The following PTPRK variants were observed in gnomAD, a reference collection of about 807,000 sequenced individuals.
PTPRK encodes protein tyrosine phosphatase receptor type K.
PTPRK carries 75 observed loss-of-function variants against 178.0 expected under a neutral mutation model. The observed-to-expected ratio is 0.42, with a 90% CI of 0.35 to 0.51. The LOEUF (loss-of-function observed/expected upper bound fraction) is 0.51. PTPRK is among the 20% of genes least tolerant of loss of function. PTPRK has a pLI of 0.02. For missense variants in PTPRK, 1,441 were observed against 1,797.8 expected (o/e 0.80, Z 3.59); for synonymous variants, 637 against 620.6 (o/e 1.03, Z -0.39).
At chr6:128,105,751 A>AT (rs1198294776) in intron 7 of PTPRK, among the ~76,000 whole-genome samples, 2 of 152,224 alleles carry the variant, frequency 1.3e-5, no homozygotes, top group African/African-American at 4.8e-5. Context: ...AGATGCTGCC[A>AT]TTTAATGCAC....
rs61756668 is a variant in PTPRK, at chr6:128,083,813, C to A, written c.1477G>T (p.Val493Leu). The A allele has an allele frequency of 5.7e-6, 9 of 1,578,608 alleles. No individual in the cohort carries two copies. Among genetic ancestry groups the A allele is most frequent in the Non-Finnish European group, 7.8e-6 (9 of 1,160,558 alleles). The change falls in exon 9 of 30, where the codon GTA becomes TTA. Residue 493 changes from valine to leucine, a missense_variant. Around this residue, in one of 4 missense-constraint regions of PTPRK, gnomAD observed 945 missense variants for 1,080.6 expected, o/e 0.87. Transcript: ENST00000368226. ...GTTCCTTGAAGAGATTTTACTGGTACGGGACCAGGCACTACAAAACACATG... is the reference window on the plus strand; with the variant it reads ...GTTCCTTGAAGAGATTTTACTGGTAAGGGACCAGGCACTACAAAACACATG... ...IQTDEDVPGP[V>L]PVKSLQGTSF...
At chr6:128,270,385 C>T (rs1819622010) in intron 3 of PTPRK, among the ~76,000 whole-genome samples, 1 of 152,000 alleles carries the variant, frequency 6.6e-6, no homozygotes, top group Non-Finnish European at 1.5e-5. Context: ...AAATAGAATT[C>T]CAAATGCTTC....
Position 127,969,582 on chromosome 6 carries a change from A to G in PTPRK, c.*645T>C, listed in dbSNP as rs1452767177. 6.6e-6 allele frequency: 1 copy of G among 152,192 alleles called. No homozygotes were observed. The highest frequency in any genetic ancestry group is 2.4e-5 in the African/African-American group (1 of 41,470). 9.4% of individuals were successfully genotyped at this position (152,192 alleles called of 1,614,324 possible). A position where few individuals can be genotyped will look rare whatever the true frequency, so the allele number is the denominator to read the frequency against. Reference sequence around the variant, plus strand: ...ATTGTGTGGTGGTAGTATTTTAGCCATCAAAAAAGGAATGTAAGTAACCAA... The same window carrying G: ...ATTGTGTGGTGGTAGTATTTTAGCCGTCAAAAAAGGAATGTAAGTAACCAA... On this transcript the variant is annotated 3_prime_UTR_variant, in exon 30 of 30. Coordinates refer to ENST00000368226, the MANE Select transcript of PTPRK (RefSeq NM_002844.4).
Position 128,050,660 on chromosome 6 carries a change from A to G in PTPRK, c.2194+14098T>C, listed in dbSNP as rs868382708. On this transcript the variant is annotated intron_variant, in intron 13 of 29. Coordinates refer to ENST00000368226, the MANE Select transcript of PTPRK (RefSeq NM_002844.4). ...TTCTCTTTATGTGCTGGCTGCCACCAGAGATACAAGGCAGGAAACAAACTA... is the reference window on the plus strand; with the variant it reads ...TTCTCTTTATGTGCTGGCTGCCACCGGAGATACAAGGCAGGAAACAAACTA... Among the ~76,000 whole-genome samples the G allele has an allele frequency of 1.8e-4, 27 of 152,352 alleles. 1 individual carries two copies. Among genetic ancestry groups the G allele is most frequent in the South Asian group, 1.4e-3 (7 of 4,828 alleles).
At chr6:128,496,981 C>A (rs1308522344) in intron 1 of PTPRK, among the ~76,000 whole-genome samples, 3 of 152,146 alleles carry the variant, frequency 2.0e-5, no homozygotes, top group African/African-American at 7.2e-5. Flanking sequence ...AGGTAACAAA[C>A]ATGAGTTTAC....
intron 16 of PTPRK, among the ~76,000 whole-genome samples, chr6:127,997,732 C>T (rs561123902): frequency 3.2e-4 from 49 of 152,168 alleles, no homozygotes; most frequent in Non-Finnish European, 5.9e-4. Context: ...GCAGAATAGT[C>T]TAATTCCTTG....
chr6:128,249,312 A>AAAC (rs1554372264), intron 3 of PTPRK, among the ~76,000 whole-genome samples: 5 of 150,250 alleles, frequency 3.3e-5, no homozygotes, highest in African/African-American at 1.3e-4. Flanking sequence ...AAAAAAAAAA[A>AAAC]ACAGTATTTT....
intron 2 of PTPRK, among the ~76,000 whole-genome samples, chr6:128,373,934 C>A (rs1485869727): frequency 5.9e-5 from 9 of 152,124 alleles, no homozygotes. Context: ...TTTCTTACTA[C>A]ATAAAACAAG....
rs1343377547 is a variant in PTPRK at position 128,205,683 on chromosome 6, G to A, written c.868+13239C>T. Among the ~76,000 whole-genome samples, 6 of 145,188 alleles carry A rather than the reference G, an allele frequency of 4.1e-5. No individual in the cohort carries two copies. In the East Asian group the frequency reaches 1.1e-3, roughly 27 times the overall value. On this transcript the variant is annotated intron_variant, in intron 6 of 29. Coordinates refer to ENST00000368226, the MANE Select transcript of PTPRK (RefSeq NM_002844.4). The stretch of plus-strand genomic sequence containing the variant: ...TTACTTGAGAGGTGGAGGCAGGAGA[G>A]TTGCTCGAACCTGGGAGGCAGAGGT...
intron 13 of PTPRK, among the ~76,000 whole-genome samples, chr6:128,018,189 A>G (rs963905693): frequency 2.6e-5 from 4 of 152,104 alleles, no homozygotes; most frequent in Admixed American, 6.6e-5. Context: ...TGATTTTTAC[A>G]TAGTTACCAA....
chr6:128,519,826 A>T lies in PTPRK; in HGVS notation c.100+433T>A, dbSNP rs1220870954. On this transcript the variant is annotated intron_variant, in intron 1 of 29. Coordinates refer to ENST00000368226, the MANE Select transcript of PTPRK (RefSeq NM_002844.4). This position sits in a 1 kb window ranked among gnomAD's most constrained non-coding sequence, Gnocchi z 4.3. Reference sequence around the variant, plus strand: ...GCACCTGGCAAAGCGCGCCGAGGTCAGTCCCTTCGAATCTCCACATTTCTG... The same window carrying T: ...GCACCTGGCAAAGCGCGCCGAGGTCTGTCCCTTCGAATCTCCACATTTCTG... Among the ~76,000 whole-genome samples, 1 of 152,230 alleles carries T rather than the reference A, an allele frequency of 6.6e-6. No homozygotes were observed.
intron 13 of PTPRK, among the ~76,000 whole-genome samples, chr6:128,025,480 A>T (rs1774151518): frequency 6.6e-6 from 1 of 152,252 alleles, no homozygotes; most frequent in Admixed American, 6.5e-5. Context: ...AATAAGATCA[A>T]ATGCTGACTT....
intron 1 of PTPRK, among the ~76,000 whole-genome samples, chr6:128,439,371 A>G (rs1030269679): frequency 6.6e-6 from 1 of 152,154 alleles, no homozygotes; most frequent in Non-Finnish European, 1.5e-5. Flanking sequence ...TCTGGCCAAT[A>G]TATTTTTTAA....
intron 1 of PTPRK, among the ~76,000 whole-genome samples, chr6:128,507,537 G>A (rs553356270): frequency 2.8e-4 from 43 of 152,222 alleles, no homozygotes; most frequent in Admixed American, 7.9e-4. Flanking sequence ...GATGGTCACA[G>A]CCCACCCTCA....
intron 1 of PTPRK, among the ~76,000 whole-genome samples, chr6:128,441,357 C>T (rs575056730): frequency 3.4e-4 from 51 of 151,758 alleles, no homozygotes; most frequent in Non-Finnish European, 4.3e-4. Flanking sequence ...AAACTTTAGG[C>T]AGTTGTGGGG....
chr6:128,073,875 C>T (rs1783280946), intron 11 of PTPRK, among the ~76,000 whole-genome samples: 1 of 151,960 alleles, frequency 6.6e-6, no homozygotes, highest in Non-Finnish European at 1.5e-5. Flanking sequence ...AGTTAAATTT[C>T]AAGATGGTTT....
chr6:128,426,048 A>G (rs981133519), intron 1 of PTPRK, among the ~76,000 whole-genome samples: 1 of 152,228 alleles, frequency 6.6e-6, no homozygotes, highest in Non-Finnish European at 1.5e-5. Flanking sequence ...TTCCAAAACT[A>G]ATTTCACCAT....
intron 3 of PTPRK, among the ~76,000 whole-genome samples, chr6:128,314,257 A>T (rs543337403): frequency 6.6e-6 from 1 of 152,204 alleles, no homozygotes; most frequent in East Asian, 1.9e-4. Context: ...TCATTTATTT[A>T]TCTGGATTTT....
chr6:128,162,599 A>T (rs908600473), intron 7 of PTPRK, among the ~76,000 whole-genome samples: 1 of 151,782 alleles, frequency 6.6e-6, no homozygotes, highest in Non-Finnish European at 1.5e-5. Flanking sequence ...CAACTTAAGA[A>T]TGAGTCACAT....
Sources: gnomAD v4.1 joint callset for allele counts (sites outside exome capture counted in the v4.1 genomes callset) on GRCh38, gnomAD v4.1.1 for gene constraint, gnomAD v4.1.1 regional missense constraint, Gnocchi (gnomAD v3.1) non-coding constraint, MANE v1.5 for transcripts, NCBI Gene and HGNC (gene_info 2026-07-23, HGNC 2026-07-21) for gene names.